KLRG2: variants seen among roughly 807,000 people sequenced by gnomAD.
The protein encoded by KLRG2 is killer cell lectin like receptor G2, also known as killer cell lectin-like receptor subfamily G member 2.
KLRG2 carries 39 observed loss-of-function variants against 35.4 expected under a neutral mutation model. That is an observed-to-expected ratio of 1.10 (90% CI 0.85 to 1.44). The LOEUF (loss-of-function observed/expected upper bound fraction) is 1.44. Ranked by LOEUF, KLRG2 falls within the 40% of genes most tolerant of loss-of-function variation. KLRG2 has a pLI of 0.00. For synonymous variants in KLRG2, 283 were observed against 265.8 expected (o/e 1.06, Z -0.63); for missense variants, 632 against 570.9 (o/e 1.11, Z -1.09).
At chr7:139,482,654 A>G (rs1407825318) in intron 1 of KLRG2, among the ~76,000 whole-genome samples, 3 of 152,114 alleles carry the variant, frequency 2.0e-5, no homozygotes, top group Admixed American at 6.5e-5. Flanking sequence ...CGGCTTCCCA[A>G]AGTGCTGGGA....
downstream of KLRG2, among the ~76,000 whole-genome samples, chr7:139,452,372 C>T (rs1231949361): frequency 6.6e-6 from 1 of 152,154 alleles, no homozygotes; most frequent in Non-Finnish European, 1.5e-5. Context: ...ATGGGTGCAG[C>T]AAACCACCAT....
the KLRG2 span, among the ~76,000 whole-genome samples, chr7:139,432,236 C>T: frequency 6.6e-6 from 1 of 152,014 alleles, no homozygotes. Context: ...TGTGCCCGTA[C>T]TCCCAGCTGC....
chr7:139,465,459 G>A (rs1319502086), intron 3 of KLRG2, among the ~76,000 whole-genome samples: 1 of 152,140 alleles, frequency 6.6e-6, no homozygotes, highest in African/African-American at 2.4e-5. Flanking sequence ...TTGGGAGGCC[G>A]AGGTGGGTGG....
chr7:139,480,772 G>A (rs1411064126), intron 1 of KLRG2, among the ~76,000 whole-genome samples: 1 of 113,314 alleles, frequency 8.8e-6, no homozygotes, highest in Non-Finnish European at 1.7e-5. Context: ...TTGAGACTGA[G>A]TCTTTCTATC....
At chr7:139,443,250 T>C in the KLRG2 span, among the ~76,000 whole-genome samples, 1 of 151,188 alleles carries the variant, frequency 6.6e-6, no homozygotes, top group East Asian at 2.0e-4. Context: ...CATGCCGGGC[T>C]AATTTTTGTA....
chr7:139,454,931 CT>C (rs1796442601), intron 3 of KLRG2, among the ~76,000 whole-genome samples: 2 of 151,536 alleles, frequency 1.3e-5, no homozygotes, highest in African/African-American at 4.8e-5. Flanking sequence ...CTAGAGGAGA[CT>C]TTTTTCTTTT....
At chr7:139,431,407 G>T in the KLRG2 span, among the ~76,000 whole-genome samples, 1 of 146,316 alleles carries the variant, frequency 6.8e-6, no homozygotes, top group Non-Finnish European at 1.5e-5. Flanking sequence ...AAATCTGATT[G>T]AAAATATATA....
At position 139,477,254 on chromosome 7, in the gene KLRG2, C is replaced by T. The variant is rs569397704; in HGVS notation, c.1005+2373G>A. 9.2e-5 allele frequency among the ~76,000 whole-genome samples: 14 copies of T among 152,208 alleles called. No homozygotes were observed. In the South Asian group the frequency reaches 1.7e-3, roughly 18 times the overall value. On this transcript the variant is annotated intron_variant, in intron 3 of 4. Coordinates refer to ENST00000340940, the MANE Select transcript of KLRG2 (RefSeq NM_198508.4). ...ACTCTAAGAACTGAAAACAGGGTCT[C>T]GAAGAGATATTTGTCCACCCAAATT...
chr7:139,462,444 C>T (rs1050955129), intron 3 of KLRG2, among the ~76,000 whole-genome samples: 3 of 151,926 alleles, frequency 2.0e-5, no homozygotes, highest in Non-Finnish European at 4.4e-5. Context: ...AAGCATCCCC[C>T]CACCTTCTCT....
At chr7:139,432,061 A>G in the KLRG2 span, among the ~76,000 whole-genome samples, 1 of 152,138 alleles carries the variant, frequency 6.6e-6, no homozygotes, top group Non-Finnish European at 1.5e-5. Context: ...TTAAAAAAAA[A>G]AAAGTCAGTC....
In KLRG2 at chr7:139,470,351, C is replaced by T. The variant is rs151278722; in HGVS notation, c.1005+9276G>A. Among the ~76,000 whole-genome samples, 31 of 152,306 alleles carry T rather than the reference C, an allele frequency of 2.0e-4. No homozygotes were observed. In the East Asian group the frequency reaches 5.2e-3, roughly 26 times the overall value. On this transcript the variant is annotated intron_variant, in intron 3 of 4. Coordinates refer to ENST00000340940, the MANE Select transcript of KLRG2 (RefSeq NM_198508.4). Reference sequence around the variant, plus strand: ...GGGATTACAGGCATGAGCCACTGCGCCCGGCTATGGATAAGCAATTCTAAG... The same window carrying T: ...GGGATTACAGGCATGAGCCACTGCGTCCGGCTATGGATAAGCAATTCTAAG...
At chr7:139,452,094 G>A (rs1391763671), downstream of KLRG2, among the ~76,000 whole-genome samples, 1 of 149,486 alleles carries the variant, frequency 6.7e-6, no homozygotes, top group Non-Finnish European at 1.5e-5. Flanking sequence ...CCAGCCTCCC[G>A]AGTAGCTAGA....
intron 3 of KLRG2, among the ~76,000 whole-genome samples, chr7:139,466,765 G>T (rs1005476627): frequency 2.1e-4 from 26 of 121,376 alleles, no homozygotes; most frequent in African/African-American, 9.7e-4. Context: ...AAAAAAAGGG[G>T]GGGGTACTCT....
Position 139,483,407 on chromosome 7 carries a change from C to A in KLRG2, c.236G>T (p.Arg79Leu). The A allele has an allele frequency of 6.5e-7, 1 of 1,543,328 alleles. No individual in the cohort carries two copies. Among genetic ancestry groups the A allele is most frequent in the Non-Finnish European group, 8.6e-7 (1 of 1,157,500 alleles). Residue 79 changes from arginine (R) to leucine (L), a missense_variant, in exon 1 of 5, where the codon CGC becomes CTC. Transcript: ENST00000340940. The stretch of plus-strand genomic sequence containing the variant: ...GTAGCCCAGGCTGAGCGGCGGCACG[C>A]GCGGGGACCCGGGGCGAGGCGAAGG... Reference protein sequence around the residue: ...KPPSPRPGSPRVPPLSLGYGV... With the variant: ...KPPSPRPGSPLVPPLSLGYGV...
chr7:139,457,489 C>T (rs56123970), intron 3 of KLRG2, among the ~76,000 whole-genome samples: 12,610 of 152,156 alleles, frequency 0.083, 818 homozygotes, highest in East Asian at 0.36. Flanking sequence ...GTCTGTAAAA[C>T]GAAGATGCTT....
chr7:139,475,530 CAAA>C (rs532874176), intron 3 of KLRG2, among the ~76,000 whole-genome samples: 2 of 136,902 alleles, frequency 1.5e-5, no homozygotes, highest in Non-Finnish European at 1.6e-5. Context: ...GACTCTATCT[CAAA>C]AAAAAAAAAA....
intron 3 of KLRG2, among the ~76,000 whole-genome samples, chr7:139,479,069 A>T (rs950816510): frequency 3.3e-5 from 5 of 152,000 alleles, no homozygotes; most frequent in African/African-American, 7.2e-5. Context: ...TTAAAAAAAA[A>T]TTATTTTTAT....
intron 3 of KLRG2, among the ~76,000 whole-genome samples, chr7:139,463,567 T>G (rs1367825820): frequency 6.6e-6 from 1 of 152,214 alleles, no homozygotes; most frequent in Admixed American, 6.5e-5. Flanking sequence ...TTGCTTCAAG[T>G]GCCAGAAATC....
intron 3 of KLRG2, among the ~76,000 whole-genome samples, chr7:139,479,344 G>A (rs965550350): frequency 6.6e-5 from 10 of 152,140 alleles, no homozygotes; most frequent in African/African-American, 2.2e-4. Context: ...GCCTCCCAGA[G>A]TGCTGGGATT....
Sources: allele counts gnomAD v4.1 joint callset (sites outside exome capture counted in the v4.1 genomes callset), GRCh38; gene constraint gnomAD v4.1.1; transcripts MANE v1.5; gene names NCBI Gene and HGNC (gene_info 2026-07-23, HGNC 2026-07-21).